Variants in CALN1 observed in about 807,000 individuals in gnomAD.
CALN1 encodes calneuron 1.
CALN1 carries 17 observed loss-of-function variants against 30.6 expected under a neutral mutation model. The observed-to-expected ratio is 0.56, with a 90% CI of 0.38 to 0.83. The LOEUF is 0.83. CALN1 is among the 40% of genes least tolerant of loss of function. CALN1 has a pLI of 0.00. For missense variants in CALN1, 291 were observed against 354.9 expected (o/e 0.82, Z 1.45); for synonymous variants, 156 against 131.4 (o/e 1.19, Z -1.28).
At chr7:72,497,913 G>C in the CALN1 span, among the ~76,000 whole-genome samples, 1 of 152,194 alleles carries the variant, frequency 6.6e-6, no homozygotes, top group South Asian at 2.1e-4. Context: ...ATACATTAAA[G>C]TTTTACAGAA....
the CALN1 span, among the ~76,000 whole-genome samples, chr7:72,487,788 AAG>A: frequency 7.4e-6 from 1 of 134,484 alleles, no homozygotes; most frequent in South Asian, 2.5e-4. Context: ...AAGAGAAAGA[AAG>A]AAGAAAGAAA....
chr7:72,342,865 AT>A (rs747881851), intron 2 of CALN1, among the ~76,000 whole-genome samples: 8 of 152,168 alleles, frequency 5.3e-5, no homozygotes, highest in Non-Finnish European at 1.0e-4. Flanking sequence ...GAAAAAAAAA[AT>A]CATTCAAAAA....
chr7:72,356,195 A>C (rs1419993269), intron 2 of CALN1, among the ~76,000 whole-genome samples: 1 of 152,170 alleles, frequency 6.6e-6, no homozygotes, highest in Non-Finnish European at 1.5e-5. Context: ...ATAGTGAGCT[A>C]TTCAGACAGA....
intron 5 of CALN1, among the ~76,000 whole-genome samples, chr7:71,980,865 G>C (rs1402956485): frequency 2.0e-5 from 3 of 152,072 alleles, no homozygotes; most frequent in Non-Finnish European, 4.4e-5. Flanking sequence ...TACAAAATGA[G>C]ACACCTGGGC....
chr7:71,796,993 C>T (rs998323414), intron 6 of CALN1, among the ~76,000 whole-genome samples: 1 of 152,218 alleles, frequency 6.6e-6, no homozygotes, highest in African/African-American at 2.4e-5. Context: ...GCCATTCACA[C>T]TGCTCCACTC....
chr7:72,290,623 G>C (rs904466136), intron 2 of CALN1, among the ~76,000 whole-genome samples: 2 of 152,106 alleles, frequency 1.3e-5, no homozygotes, highest in Non-Finnish European at 2.9e-5. Context: ...ACTGGTTCTT[G>C]AACTAAGTCT....
At chr7:71,892,826 ATAGT>A (rs1195254360) in intron 5 of CALN1, among the ~76,000 whole-genome samples, 1 of 152,158 alleles carries the variant, frequency 6.6e-6, no homozygotes, top group African/African-American at 2.4e-5. Flanking sequence ...TATGTTTCTA[ATAGT>A]TAAATAATTA....
At chr7:72,376,847 A>C (rs1294450257) in intron 2 of CALN1, among the ~76,000 whole-genome samples, 1 of 152,148 alleles carries the variant, frequency 6.6e-6, no homozygotes, top group African/African-American at 2.4e-5. Context: ...CTGGCATTTG[A>C]AGTTAATTTT....
At chr7:71,941,033 T>C (rs1361732056) in intron 5 of CALN1, among the ~76,000 whole-genome samples, 1 of 152,164 alleles carries the variant, frequency 6.6e-6, no homozygotes, top group East Asian at 1.9e-4. Context: ...CCAAAATCAG[T>C]GGATATAATT....
chr7:71,807,515 A>T (rs990318531), intron 6 of CALN1, among the ~76,000 whole-genome samples: 1 of 152,222 alleles, frequency 6.6e-6, no homozygotes, highest in Non-Finnish European at 1.5e-5. Flanking sequence ...ATGTTTTTGC[A>T]AAGTTTCTCT....
intron 3 of CALN1, among the ~76,000 whole-genome samples, chr7:72,123,597 A>G (rs1159168849): frequency 1.3e-5 from 2 of 152,170 alleles, no homozygotes; most frequent in Non-Finnish European, 2.9e-5. Context: ...CGTGGAAAGG[A>G]TTGAGACTGG....
rs747761228 is a variant in CALN1 at position 71,847,776 on chromosome 7, G to GA, written c.502-37285dup. 6.7e-3 allele frequency among the ~76,000 whole-genome samples: 451 copies of GA among 66,876 alleles called. 1 individual carries two copies. Among genetic ancestry groups the GA allele is most frequent in the African/African-American group, 0.017 (427 of 25,154 alleles). 43.9% of individuals were successfully genotyped at this position (66,876 alleles called of 152,430 possible). On this transcript the variant is annotated intron_variant, in intron 5 of 6. Coordinates refer to ENST00000395275, the MANE Select transcript of CALN1 (RefSeq NM_031468.4). ...AAGAAGAAAGAAGAAGAAGAAGAAA[G>GA]AAGAAGAAGAAGAAGAAGAAAAGAA... is the stretch of plus-strand genomic sequence containing the variant.
intron 2 of CALN1, among the ~76,000 whole-genome samples, chr7:72,326,589 T>C (rs529571768): frequency 2.0e-5 from 3 of 152,324 alleles, no homozygotes; most frequent in Non-Finnish European, 2.9e-5. Flanking sequence ...CAGTGTTCAG[T>C]ACAGATGTTT....
At chr7:71,883,869 C>G (rs1226381875) in intron 5 of CALN1, among the ~76,000 whole-genome samples, 3 of 152,110 alleles carry the variant, frequency 2.0e-5, no homozygotes, top group Non-Finnish European at 4.4e-5. Flanking sequence ...ATTTATATGT[C>G]TCCATTAAAT....
intron 3 of CALN1, among the ~76,000 whole-genome samples, chr7:72,193,020 T>C (rs1790733785): frequency 6.6e-6 from 1 of 151,892 alleles, no homozygotes; most frequent in South Asian, 2.1e-4. Context: ...AAATCCCATC[T>C]CTGCTAAAAT....
chr7:72,197,051 A>G (rs373362083), intron 3 of CALN1, among the ~76,000 whole-genome samples: 26 of 151,992 alleles, frequency 1.7e-4, no homozygotes, highest in African/African-American at 6.3e-4. Context: ...ATGAAATTTT[A>G]CCTCTGGGTA....
intron 5 of CALN1, among the ~76,000 whole-genome samples, chr7:71,902,451 C>T (rs75378812): frequency 6.6e-6 from 1 of 151,818 alleles, no homozygotes; most frequent in Non-Finnish European, 1.5e-5. Flanking sequence ...TGAAGAAAAG[C>T]AAATAGATGG....
At chr7:72,498,724 A>C in the CALN1 span, among the ~76,000 whole-genome samples, 2 of 152,204 alleles carry the variant, frequency 1.3e-5, no homozygotes, top group Non-Finnish European at 2.9e-5. Context: ...TGGAAAAGGA[A>C]TACTACAAGT....
chr7:71,921,544 C>T (rs1029781483), intron 5 of CALN1, among the ~76,000 whole-genome samples: 2 of 152,072 alleles, frequency 1.3e-5, no homozygotes, highest in Non-Finnish European at 1.5e-5. Context: ...CAAAAAACCA[C>T]CTTAATACAT....
Sources: allele counts gnomAD v4.1 joint callset (sites outside exome capture counted in the v4.1 genomes callset), GRCh38; gene constraint gnomAD v4.1.1; transcripts MANE v1.5; gene names NCBI Gene and HGNC (gene_info 2026-07-23, HGNC 2026-07-21).